The following TRIML2 variants were observed in gnomAD, a reference collection of about 807,000 sequenced individuals.
TRIML2 encodes probable E3 ubiquitin-protein ligase TRIML2.
A neutral mutation model predicts 31.2 loss-of-function variants in TRIML2; 28 were observed. The observed-to-expected ratio is 0.90, with a 90% CI of 0.66 to 1.23. The LOEUF (loss-of-function observed/expected upper bound fraction) is 1.23, where lower values mean the gene tolerates loss of function less well. Among genes scored for constraint, TRIML2 ranks in the 50% most tolerant of loss-of-function variants. The pLI is 0.00. For synonymous variants in TRIML2, 187 were observed against 197.5 expected (o/e 0.95, Z 0.45); for missense variants, 536 against 528.3 (o/e 1.01, Z -0.14).
chr4:188,099,124 C>A lies in TRIML2; in HGVS notation c.532G>T (p.Ala178Ser). The A allele has an allele frequency of 6.2e-7, 1 of 1,613,666 alleles. No individual in the cohort carries two copies. The highest frequency in any genetic ancestry group is 1.1e-5 in the South Asian group (1 of 90,980). ...CTGCGGACCTGTTCAGAAGCCCTGG[C>A]TTCACTCTCCTTCAGTTTCTCCATG... ...ENMEKLKESEARASEQVRSLL... is the reference protein window; with the variant it reads ...ENMEKLKESESRASEQVRSLL... The change falls in exon 5 of 8, where the codon GCC (alanine) becomes TCC (serine). Residue 178 changes from alanine to serine, a missense_variant. Physicochemically the swap from Ala to Ser is moderately conservative, Grantham distance 99. Coordinates refer to ENST00000682553, the MANE Select transcript of TRIML2 (RefSeq NM_173553.4).
chr4:188,105,338 G>C lies in TRIML2; in HGVS notation c.31C>G (p.His11Asp), dbSNP rs1391982034. Residue 11 changes from histidine to aspartate, a missense_variant, in exon 2 of 8, where the codon CAC becomes GAC. Transcript: ENST00000682553. MSKRLSPQLQHNITEDAYCET... is the reference protein window; with the variant it reads MSKRLSPQLQDNITEDAYCET... ...CAATAGGCATCTTCTGTGATGTTGT[G>C]CTGTAACTGAGGGCTGAGCCTTTTG... 6.3e-7 allele frequency: 1 copy of C among 1,595,112 alleles called. No homozygotes were observed. Among genetic ancestry groups the C allele is most frequent in the Non-Finnish European group, 8.6e-7 (1 of 1,167,398 alleles).
chr4:188,097,469 G>T, intron 5 of TRIML2, 123 bp from the exon 6 acceptor site: 2 of 879,198 alleles, frequency 2.3e-6, no homozygotes, highest in Non-Finnish European at 3.7e-6. Context: ...ACCTCATAAT[G>T]CTAGTTATCA....
chr4:188,100,315 T>C lies in TRIML2; in HGVS notation c.480+741A>G, dbSNP rs142947268. Reference sequence around the variant, plus strand: ...AATTTTATAAATTAGGGGTCACTGTTATATCCAGTTTACAGCTAAAGGAAC... The same window carrying C: ...AATTTTATAAATTAGGGGTCACTGTCATATCCAGTTTACAGCTAAAGGAAC... On this transcript the variant is annotated intron_variant, in intron 4 of 7. Transcript: ENST00000682553. 7.2e-3 allele frequency among the ~76,000 whole-genome samples: 1,100 copies of C among 152,280 alleles called. 20 individuals are homozygous for C. Among genetic ancestry groups the C allele is most frequent in the African/African-American group, 0.025 (1,029 of 41,568 alleles).
At chr4:188,101,834 G>A (rs1328272953) in intron 3 of TRIML2, among the ~76,000 whole-genome samples, 2 of 151,726 alleles carry the variant, frequency 1.3e-5, no homozygotes, top group African/African-American at 4.8e-5. Context: ...ACGAAGAAAT[G>A]TTCATCAATG....
intron 7 of TRIML2, among the ~76,000 whole-genome samples, chr4:188,093,568 AG>A (rs1450339045): frequency 6.6e-6 from 1 of 152,148 alleles, no homozygotes; most frequent in Non-Finnish European, 1.5e-5. Context: ...AGGGTGAGGC[AG>A]GAGCATCGCT....
intron 5 of TRIML2, chr4:188,098,123 G>GAAAAA: frequency 1.9e-5 from 4 of 209,036 alleles, no homozygotes; most frequent in South Asian, 4.0e-5. Flanking sequence ...CCGTCTCGGG[G>GAAAAA]AAAAAAAAAA....
Position 188,109,505 on chromosome 4 carries a change from T to G in TRIML2, c.-485A>C, listed in dbSNP as rs1301828611. The G allele has an allele frequency of 6.6e-6, 1 of 152,014 alleles. No homozygotes were observed. Among genetic ancestry groups the G allele is most frequent in the African/African-American group, 2.4e-5 (1 of 41,368 alleles). 9.4% of individuals were successfully genotyped at this position (152,014 alleles called of 1,614,324 possible). A position where few individuals can be genotyped will look rare whatever the true frequency, so the allele number is the denominator to read the frequency against. On this transcript the variant is annotated 5_prime_UTR_variant, in exon 1 of 8. Transcript: ENST00000682553. ...TTTTCCCAGGCTGGTCTTGAACTCC[T>G]GGGCTCAAGCAATCTGCCTGCTTCA...
intron 2 of TRIML2, 75 bp downstream of exon 2, chr4:188,105,105 G>A (rs1048682385): frequency 2.6e-6 from 4 of 1,518,626 alleles, no homozygotes; most frequent in Admixed American, 3.6e-5. Context: ...GGTTTTGGAG[G>A]ACCAGAATGT....
chr4:188,096,103 G>C (rs1475642850), intron 7 of TRIML2, among the ~76,000 whole-genome samples: 1 of 152,206 alleles, frequency 6.6e-6, no homozygotes, highest in Non-Finnish European at 1.5e-5. Flanking sequence ...CTGGGGAACT[G>C]GTAAAGAATC....
At chr4:188,099,316 C>A in intron 4 of TRIML2, 141 bp from the exon 5 acceptor site, 2 of 1,142,026 alleles carry the variant, frequency 1.8e-6, no homozygotes, top group Non-Finnish European at 2.4e-6. Flanking sequence ...CCTGTAATCC[C>A]AGCACTTTGG....
chr4:188,097,322 A>C lies in TRIML2; in HGVS notation c.644+2T>G, dbSNP rs756969298. 2.5e-6 allele frequency: 4 copies of C among 1,613,848 alleles called. No individual in the cohort carries two copies. The highest frequency in any genetic ancestry group is 8.5e-7 in the Non-Finnish European group (1 of 1,179,874). On this transcript the variant is annotated splice_donor_variant, in intron 6 of 7. Coordinates refer to ENST00000682553, the MANE Select transcript of TRIML2 (RefSeq NM_173553.4). LOFTEE classifies it high-confidence loss of function. Reference sequence around the variant, plus strand: ...CCAATTGTATCCAAAATGAAAACTCACCTTTCTAAAGAGTATTTTGCATTC... The same window carrying C: ...CCAATTGTATCCAAAATGAAAACTCCCCTTTCTAAAGAGTATTTTGCATTC...
chr4:188,107,887 T>C (rs1246853003), intron 1 of TRIML2, among the ~76,000 whole-genome samples: 1 of 152,136 alleles, frequency 6.6e-6, no homozygotes, highest in Admixed American at 6.6e-5. Context: ...TTTTTGATGC[T>C]CTCATCCTTT....
rs933370882 is a variant in TRIML2, at chr4:188,101,670, G to A, written c.286-420C>T. ...GATTACGCCACTGCACTCCAGCCTG[G>A]CAACAGAGCTAGACTCTGTCTCAAA... On this transcript the variant is annotated intron_variant, in intron 3 of 7. Coordinates refer to ENST00000682553, the MANE Select transcript of TRIML2 (RefSeq NM_173553.4). Among the ~76,000 whole-genome samples the A allele has an allele frequency of 3.3e-4, 50 of 151,924 alleles. 1 individual carries two copies. Among genetic ancestry groups the A allele is most frequent in the Non-Finnish European group, 2.1e-4 (14 of 68,016 alleles).
chr4:188,093,995 G>A (rs1192198183), intron 7 of TRIML2, among the ~76,000 whole-genome samples: 1 of 151,898 alleles, frequency 6.6e-6, no homozygotes, highest in Non-Finnish European at 1.5e-5. Context: ...GGAGGTTGAG[G>A]CAGGAGAATC....
At chr4:188,092,773 C>G (rs1477845551) in intron 7 of TRIML2, 1 of 454,694 alleles carries the variant, frequency 2.2e-6, no homozygotes, top group Non-Finnish European at 4.4e-6. Context: ...TGTGTGGACC[C>G]TCCAGAAACT....
intron 1 of TRIML2, among the ~76,000 whole-genome samples, chr4:188,108,076 T>C (rs1049851077): frequency 1.3e-5 from 2 of 152,160 alleles, no homozygotes; most frequent in African/African-American, 4.8e-5. Flanking sequence ...TGTTTTCTTC[T>C]CTCATCTGTC....
At chr4:188,106,987 A>C (rs990092268) in intron 1 of TRIML2, 1 of 165,028 alleles carries the variant, frequency 6.1e-6, no homozygotes. Context: ...CTTTTTTCTC[A>C]GAAAAATGTT....
chr4:188,105,372 G>A lies in TRIML2; in HGVS notation c.-4C>T. 1 of 1,564,142 alleles carries A rather than the reference G, an allele frequency of 6.4e-7. No individual in the cohort carries two copies. Among genetic ancestry groups the A allele is most frequent in the Non-Finnish European group, 8.7e-7 (1 of 1,151,510 alleles). ...GAGGGCTGAGCCTTTTGGACATCCT[G>A]GTAGGGGTCCCTAGTTGAAGACTGG... On this transcript the variant is annotated 5_prime_UTR_variant, in exon 2 of 8. Transcript: ENST00000682553.
At chr4:188,099,591 A>AC (rs1733681968) in intron 4 of TRIML2, among the ~76,000 whole-genome samples, 1 of 151,702 alleles carries the variant, frequency 6.6e-6, no homozygotes, top group South Asian at 2.1e-4. Flanking sequence ...CCAAAACCAA[A>AC]AAAAAAAAAA....
Sources: gnomAD v4.1 joint callset for allele counts (sites outside exome capture counted in the v4.1 genomes callset) on GRCh38, gnomAD v4.1.1 for gene constraint, MANE v1.5 for transcripts, NCBI Gene and HGNC (gene_info 2026-07-23, HGNC 2026-07-21) for gene names.